ZFHX3: variants seen among roughly 807,000 people sequenced by gnomAD.
ZFHX3 encodes the protein zinc finger homeobox 3.
A neutral mutation model predicts 279.1 loss-of-function variants in ZFHX3; 42 were observed. That is an observed-to-expected ratio of 0.15 (90% CI 0.12 to 0.19). ZFHX3 has a LOEUF of 0.19. Among genes scored for constraint, ZFHX3 ranks in the 10% least tolerant of loss-of-function variants. The probability of loss-of-function intolerance (pLI) is 1.00; values close to 1 mark genes in which losing one functional copy is unlikely to be tolerated. For synonymous variants in ZFHX3, 2,293 were observed against 1,957.8 expected (o/e 1.17, Z -4.52); for missense variants, 4,981 against 4,754.0 (o/e 1.05, Z -1.40).
chr16:73,839,412 T>G (rs957699935), intron 1 of ZFHX3, among the ~76,000 whole-genome samples: 1 of 149,856 alleles, frequency 6.7e-6, no homozygotes, highest in Non-Finnish European at 1.5e-5. Context: ...TTTGGAGTAT[T>G]TGGTATACCT....
At chr16:73,071,561 C>T (rs988342069) in intron 8 of ZFHX3, among the ~76,000 whole-genome samples, 4 of 152,050 alleles carry the variant, frequency 2.6e-5, no homozygotes, top group Admixed American at 6.6e-5. Context: ...GCCTGAGACC[C>T]GGGGAGCTGG....
chr16:73,842,636 C>T (rs1417964736), intron 1 of ZFHX3, among the ~76,000 whole-genome samples: 1 of 152,102 alleles, frequency 6.6e-6, no homozygotes, highest in Non-Finnish European at 1.5e-5. Context: ...CAGTGACAGC[C>T]AAGGCTCCAT....
intron 3 of ZFHX3, among the ~76,000 whole-genome samples, chr16:72,900,667 G>A (rs777569399): frequency 1.4e-4 from 22 of 152,188 alleles, no homozygotes; most frequent in Admixed American, 2.6e-4. Context: ...TAACTTGAGC[G>A]TGCATCGGAA....
intron 4 of ZFHX3, among the ~76,000 whole-genome samples, chr16:72,883,747 T>C (rs2038554304): frequency 6.6e-6 from 1 of 152,206 alleles, no homozygotes; most frequent in African/African-American, 2.4e-5. Flanking sequence ...ACAGATAAAG[T>C]CATGTTTTCC....
rs564358047 is a variant in ZFHX3, at chr16:73,634,646, C to T, written c.-1547+45534G>A. On this transcript the variant is annotated intron_variant, in intron 2 of 17. Transcript: ENST00000641206. Reference sequence around the variant, plus strand: ...AAGACAGGCACATCAGTATCTTCTTCATAGTGTCTCTTGAGGACAGCCAAC... The same window carrying T: ...AAGACAGGCACATCAGTATCTTCTTTATAGTGTCTCTTGAGGACAGCCAAC... Among the ~76,000 whole-genome samples the T allele has an allele frequency of 3.0e-4, 46 of 151,988 alleles. No homozygotes were observed. The South Asian group carries it at 5.8e-3, about 19-fold the overall frequency.
At chr16:73,074,138 T>C (rs1567657681) in intron 8 of ZFHX3, among the ~76,000 whole-genome samples, 1 of 152,216 alleles carries the variant, frequency 6.6e-6, no homozygotes, top group Admixed American at 6.5e-5. Context: ...CCAGTAGGAT[T>C]ATATGACCTT....
intron 1 of ZFHX3, among the ~76,000 whole-genome samples, chr16:73,043,253 C>T (rs1438379076): frequency 6.6e-6 from 1 of 152,208 alleles, no homozygotes; most frequent in African/African-American, 2.4e-5. Context: ...TCAAACCCCC[C>T]ACACAGTAAT....
At chr16:73,583,289 A>G (rs1175419555) in intron 2 of ZFHX3, among the ~76,000 whole-genome samples, 1 of 152,160 alleles carries the variant, frequency 6.6e-6, no homozygotes, top group Non-Finnish European at 1.5e-5. Flanking sequence ...ATCTAAATAA[A>G]AGTTTTTAAA....
intron 2 of ZFHX3, among the ~76,000 whole-genome samples, chr16:73,657,507 CAG>C (rs2052735187): frequency 6.6e-6 from 1 of 152,144 alleles, no homozygotes; most frequent in Non-Finnish European, 1.5e-5. Context: ...CGTGTACTCT[CAG>C]AGTTATGCAA....
intron 1 of ZFHX3, among the ~76,000 whole-genome samples, chr16:73,033,294 C>CT (rs1342004150): frequency 8.5e-5 from 13 of 152,138 alleles, no homozygotes; most frequent in Non-Finnish European, 1.3e-4. Flanking sequence ...GGTTAAATGC[C>CT]CAGTGTCTGA....
intron 6 of ZFHX3, among the ~76,000 whole-genome samples, chr16:73,139,324 G>A (rs1966840236): frequency 6.6e-6 from 1 of 151,950 alleles, no homozygotes; most frequent in South Asian, 2.1e-4. Context: ...TGATACCACT[G>A]GCACGAAATA....
At chr16:72,812,490 C>A (rs1302483137) in intron 5 of ZFHX3, among the ~76,000 whole-genome samples, 1 of 152,156 alleles carries the variant, frequency 6.6e-6, no homozygotes, top group Non-Finnish European at 1.5e-5. Context: ...ATTGTCCCTC[C>A]TCTTGGAATC....
chr16:73,633,756 G>C (rs1254118210), intron 2 of ZFHX3, among the ~76,000 whole-genome samples: 1 of 152,028 alleles, frequency 6.6e-6, no homozygotes, highest in South Asian at 2.1e-4. Flanking sequence ...AAATTAGTTG[G>C]GCATGGTGGC....
At chr16:73,494,761 T>G (rs538838951) in intron 2 of ZFHX3, among the ~76,000 whole-genome samples, 1 of 151,718 alleles carries the variant, frequency 6.6e-6, no homozygotes, top group East Asian at 1.9e-4. Context: ...AGAGATGGGG[T>G]TTCTCCACGT....
chr16:73,550,179 G>A (rs923589066), intron 2 of ZFHX3, among the ~76,000 whole-genome samples: 2 of 152,046 alleles, frequency 1.3e-5, no homozygotes, highest in Admixed American at 1.3e-4. Flanking sequence ...CCGTGTCAGG[G>A]CAAAGCTGTA....
intron 1 of ZFHX3, among the ~76,000 whole-genome samples, chr16:73,798,636 A>C (rs1960064234): frequency 6.6e-6 from 1 of 152,188 alleles, no homozygotes; most frequent in African/African-American, 2.4e-5. Context: ...TGTCTGAAGG[A>C]AATTCAGGAA....
At chr16:72,997,968 G>A (rs1963356421) in intron 1 of ZFHX3, among the ~76,000 whole-genome samples, 1 of 152,098 alleles carries the variant, frequency 6.6e-6, no homozygotes, top group Non-Finnish European at 1.5e-5. Context: ...TCTGGTCCCA[G>A]CTACTCAGGA....
At chr16:73,549,607 T>C (rs2020173053) in intron 2 of ZFHX3, among the ~76,000 whole-genome samples, 2 of 152,222 alleles carry the variant, frequency 1.3e-5, no homozygotes, top group Admixed American at 6.5e-5. Context: ...ATGTTGTTGG[T>C]TTCCTTTTGA....
At chr16:73,835,379 T>A (rs965354981) in intron 1 of ZFHX3, among the ~76,000 whole-genome samples, 3 of 147,674 alleles carry the variant, frequency 2.0e-5, no homozygotes, top group Non-Finnish European at 3.0e-5. Context: ...TTTCCCACCG[T>A]CCCTCTTCTT....
Sources: gnomAD v4.1 joint callset for allele counts (sites outside exome capture counted in the v4.1 genomes callset) on GRCh38, gnomAD v4.1.1 for gene constraint, MANE v1.5 for transcripts, NCBI Gene and HGNC (gene_info 2026-07-23, HGNC 2026-07-21) for gene names.